Variants in NRG1 observed in about 807,000 individuals in gnomAD.
NRG1 encodes pro-neuregulin-1, membrane-bound isoform.
A neutral mutation model predicts 63.8 loss-of-function variants in NRG1; 18 were observed. The observed-to-expected ratio is 0.28, with a 90% CI of 0.19 to 0.42. The LOEUF is 0.42. Among genes scored for constraint, NRG1 ranks in the 10% least tolerant of loss-of-function variants. NRG1 has a pLI of 1.00. For synonymous variants in NRG1, 302 were observed against 301.3 expected (o/e 1.00, Z -0.02); for missense variants, 762 against 814.7 (o/e 0.94, Z 0.79).
intron 1 of NRG1, among the ~76,000 whole-genome samples, chr8:31,834,331 GCA>G (rs1181866676): frequency 2.4e-4 from 8 of 32,872 alleles, no homozygotes; most frequent in East Asian, 1.7e-3. Context: ...ACACACACAC[GCA>G]CACCAATTTG....
intron 1 of NRG1, among the ~76,000 whole-genome samples, chr8:32,587,956 T>C (rs1304046305): frequency 6.6e-6 from 1 of 152,084 alleles, no homozygotes; most frequent in African/African-American, 2.4e-5. Context: ...TGAGACGGAC[T>C]CTTGCCCTGT....
At position 32,503,129 on chromosome 8, in the gene NRG1, C is replaced by CAAA. The variant is rs61353704; in HGVS notation, c.38-92693_38-92691dup. ...TGAAACCCCATCTCTACTAAAAATA[C>CAAA]AAAAAAAATTAGCTGGGCATGGTGG... On this transcript the variant is annotated intron_variant, in intron 1 of 10. Coordinates refer to the NRG1 transcript ENST00000519301. Among the ~76,000 whole-genome samples, 230 of 149,294 alleles carry CAAA rather than the reference C, an allele frequency of 1.5e-3. 1 individual carries two copies. Among genetic ancestry groups the CAAA allele is most frequent in the Admixed American group, 2.7e-3 (41 of 15,046 alleles).
At chr8:32,749,943 A>T (rs966997636) in intron 7 of NRG1, 1 of 233,096 alleles carries the variant, frequency 4.3e-6, no homozygotes, top group African/African-American at 2.3e-5. Flanking sequence ...GGGGAAATCC[A>T]CTCAGAGACC....
chr8:32,606,768 T>C (rs573252516), intron 3 of NRG1, among the ~76,000 whole-genome samples: 2 of 152,160 alleles, frequency 1.3e-5, no homozygotes, highest in Non-Finnish European at 2.9e-5. Flanking sequence ...ATGAGAAAGA[T>C]TCTGCATTTC....
chr8:31,834,330 C>CACGCAT (rs34893626), intron 1 of NRG1, among the ~76,000 whole-genome samples: 2 of 151,484 alleles, frequency 1.3e-5, no homozygotes, highest in African/African-American at 4.8e-5. Flanking sequence ...CACACACACA[C>CACGCAT]GCACACCAAT....
chr8:32,037,826 C>A (rs1434590866), intron 1 of NRG1, among the ~76,000 whole-genome samples: 2 of 152,276 alleles, frequency 1.3e-5, no homozygotes, highest in Admixed American at 6.5e-5. Context: ...GGTAGCCACC[C>A]CTTCCCCCAC....
At chr8:32,534,543 A>G (rs1194937849) in intron 1 of NRG1, among the ~76,000 whole-genome samples, 1 of 152,184 alleles carries the variant, frequency 6.6e-6, no homozygotes, top group Admixed American at 6.5e-5. Context: ...CAAAACATGG[A>G]AAGTGTGATT....
At chr8:32,723,490 G>C (rs149553514) in intron 5 of NRG1, among the ~76,000 whole-genome samples, 2 of 151,784 alleles carry the variant, frequency 1.3e-5, no homozygotes, top group East Asian at 3.9e-4. Flanking sequence ...AACCATCCTG[G>C]CCAACATGGT....
intron 1 of NRG1, among the ~76,000 whole-genome samples, chr8:32,074,593 G>GGTA (rs143129746): frequency 0.021 from 3,179 of 152,142 alleles, 40 homozygotes; most frequent in South Asian, 0.039. Flanking sequence ...GTGGGTCAGG[G>GGTA]GTAGGTGTGT....
intron 1 of NRG1, among the ~76,000 whole-genome samples, chr8:31,765,676 A>G (rs1817987087): frequency 6.6e-6 from 1 of 152,164 alleles, no homozygotes; most frequent in Non-Finnish European, 1.5e-5. Flanking sequence ...CTTTGCCAGA[A>G]AGGAGTTCAC....
rs368296074 is a variant in NRG1, at chr8:32,009,625, T to C, written c.37+370194T>C. 5.3e-5 allele frequency among the ~76,000 whole-genome samples: 8 copies of C among 152,144 alleles called. No homozygotes were observed. The East Asian group carries it at 9.7e-4, about 18-fold the overall frequency. On this transcript the variant is annotated intron_variant, in intron 1 of 10. Transcript: ENST00000519301. ...ATGGTCTAGGTATGGCTCATTGACA[T>C]AGTGACCTTTGAGCAAAATCGTGAA...
At chr8:32,173,946 A>G (rs1421051214) in intron 1 of NRG1, among the ~76,000 whole-genome samples, 1 of 152,218 alleles carries the variant, frequency 6.6e-6, no homozygotes, top group Non-Finnish European at 1.5e-5. Flanking sequence ...CAGAAAGTTA[A>G]CAAGGATATG....
chr8:31,821,675 C>T (rs1329196672), intron 1 of NRG1, among the ~76,000 whole-genome samples: 2 of 152,030 alleles, frequency 1.3e-5, no homozygotes, highest in Admixed American at 6.6e-5. Flanking sequence ...ATGCAAGGCT[C>T]ATCAGCTTTT....
Position 32,136,049 on chromosome 8 carries a change from A to G in NRG1, c.38-459779A>G, listed in dbSNP as rs544071764. On this transcript the variant is annotated intron_variant, in intron 1 of 10. Coordinates refer to the NRG1 transcript ENST00000519301. Reference sequence around the variant, plus strand: ...CAGATGAGGGTGGTGTAGGGAGATCATTCTCTAGGTGCCCTTTGCATTTTT... The same window carrying G: ...CAGATGAGGGTGGTGTAGGGAGATCGTTCTCTAGGTGCCCTTTGCATTTTT... Among the ~76,000 whole-genome samples, 61 of 151,984 alleles carry G rather than the reference A, an allele frequency of 4.0e-4. 1 individual carries two copies. The highest frequency in any genetic ancestry group is 1.5e-3 in the African/African-American group (61 of 41,468).
intron 1 of NRG1, among the ~76,000 whole-genome samples, chr8:32,106,372 G>A (rs564553441): frequency 2.0e-5 from 3 of 152,262 alleles, no homozygotes; most frequent in Non-Finnish European, 2.9e-5. Flanking sequence ...AATGTATTTT[G>A]ATTATATGAC....
At chr8:32,016,132 G>C (rs1189661477) in intron 1 of NRG1, among the ~76,000 whole-genome samples, 1 of 152,080 alleles carries the variant, frequency 6.6e-6, no homozygotes, top group African/African-American at 2.4e-5. Context: ...CAGTGATGGA[G>C]GTCTTGCTTT....
At chr8:32,159,351 G>A (rs939523802) in intron 1 of NRG1, among the ~76,000 whole-genome samples, 1 of 151,442 alleles carries the variant, frequency 6.6e-6, no homozygotes. Context: ...TGGCTAACAA[G>A]GTGAAACCCC....
At chr8:32,694,949 C>G (rs1297328555) in intron 5 of NRG1, among the ~76,000 whole-genome samples, 2 of 152,166 alleles carry the variant, frequency 1.3e-5, no homozygotes, top group Non-Finnish European at 2.9e-5. Context: ...CTGACGGGAC[C>G]TGGCATGGTG....
intron 5 of NRG1, among the ~76,000 whole-genome samples, chr8:32,711,672 G>A (rs1817848162): frequency 1.3e-5 from 2 of 152,040 alleles, no homozygotes; most frequent in Admixed American, 1.3e-4. Flanking sequence ...CTCCATTTTT[G>A]CAATTACAAA....
Sources: gnomAD v4.1 joint callset for allele counts (sites outside exome capture counted in the v4.1 genomes callset) on GRCh38, gnomAD v4.1.1 for gene constraint, MANE v1.5 for transcripts, NCBI Gene and HGNC (gene_info 2026-07-23, HGNC 2026-07-21) for gene names.